LTA4H: variants seen among roughly 807,000 people sequenced by gnomAD.
LTA4H encodes leukotriene A-4 hydrolase.
A neutral mutation model predicts 89.8 loss-of-function variants in LTA4H; 59 were observed. The observed-to-expected ratio is 0.66, with a 90% CI of 0.53 to 0.82. The LOEUF (loss-of-function observed/expected upper bound fraction) is 0.82, where lower values mean the gene tolerates loss of function less well. Ranked by LOEUF, LTA4H falls within the 40% of genes least tolerant of loss-of-function variation. The pLI is 0.00. For missense variants in LTA4H, 617 were observed against 727.0 expected, an observed-to-expected ratio of 0.85 and a Z score of 1.74; for synonymous variants, 227 against 253.1, an observed-to-expected ratio of 0.90 and a Z score of 0.98.
chr12:96,024,154 G>T (rs1250870097), intron 4 of LTA4H, among the ~76,000 whole-genome samples: 1 of 151,958 alleles, frequency 6.6e-6, no homozygotes, highest in Non-Finnish European at 1.5e-5. Flanking sequence ...GGATGGTCTC[G>T]ATCTCCTGAC....
At chr12:96,041,933 G>A (rs146577025) in intron 1 of LTA4H, among the ~76,000 whole-genome samples, 3,889 of 151,248 alleles carry the variant, frequency 0.026, 120 homozygotes, top group South Asian at 0.073. Flanking sequence ...GAGCCACCGC[G>A]CCTGGCCATA....
At chr12:96,021,596 A>C (rs1950453325) in intron 5 of LTA4H, among the ~76,000 whole-genome samples, 1 of 152,014 alleles carries the variant, frequency 6.6e-6, no homozygotes, top group Non-Finnish European at 1.5e-5. Context: ...TAGATGCCAA[A>C]GTTATGGGAG....
At chr12:96,036,461 G>A (rs554452950), upstream of LTA4H, among the ~76,000 whole-genome samples, 1 of 152,298 alleles carries the variant, frequency 6.6e-6, no homozygotes, top group Admixed American at 6.5e-5. Flanking sequence ...ACCCACTGAA[G>A]AGTTTTCAGC....
intron 16 of LTA4H, among the ~76,000 whole-genome samples, chr12:96,005,270 G>A (rs775098029): frequency 3.3e-5 from 5 of 151,942 alleles, no homozygotes; most frequent in African/African-American, 4.8e-5. Flanking sequence ...TCTTTCTCAC[G>A]TCCTGTTCTC....
intron 6 of LTA4H, among the ~76,000 whole-genome samples, chr12:96,019,471 C>T (rs2136896544): frequency 6.6e-6 from 1 of 152,070 alleles, no homozygotes; most frequent in East Asian, 1.9e-4. Context: ...GGAAAAAAAC[C>T]AAGACATAAG....
At chr12:96,017,001 T>C (rs201537065) in intron 10 of LTA4H, 43 bp downstream of exon 10, 15 of 1,351,968 alleles carry the variant, frequency 1.1e-5, no homozygotes, top group Non-Finnish European at 1.4e-5. Flanking sequence ...GAAAAAAAAA[T>C]CAGCAACATG....
In LTA4H at chr12:96,003,888, C is replaced by T. The variant is rs199862341; in HGVS notation, c.1563G>A (p.Met521Ile). Residue 521 changes from methionine (M) to isoleucine (I), a missense_variant, in exon 17 of 19, where the codon ATG (methionine) becomes ATA (isoleucine). Physicochemically the swap from Met to Ile is conservative, Grantham distance 10. Coordinates refer to ENST00000228740, the MANE Select transcript of LTA4H (RefSeq NM_000895.3). ...APLPLGHIKR[M>I]QEVYNFNAIN... ...TGGCATTGAAGTTGTACACCTCTTGCATTCGCTTTATGTGCCCCAATGGAA... is the reference window on the plus strand; with the variant it reads ...TGGCATTGAAGTTGTACACCTCTTGTATTCGCTTTATGTGCCCCAATGGAA... 8.9e-5 allele frequency: 143 copies of T among 1,610,198 alleles called. No homozygotes were observed. Among genetic ancestry groups the T allele is most frequent in the Middle Eastern group, 1.6e-4 (1 of 6,076 alleles).
intron 1 of LTA4H, among the ~76,000 whole-genome samples, chr12:96,042,421 C>T (rs1439009189): frequency 6.6e-6 from 1 of 151,974 alleles, no homozygotes; most frequent in Non-Finnish European, 1.5e-5. Flanking sequence ...CTAGGCCTTT[C>T]CTGAACCTTA....
chr12:96,032,651 T>G (rs1037034464), intron 1 of LTA4H, among the ~76,000 whole-genome samples: 3 of 152,242 alleles, frequency 2.0e-5, no homozygotes, highest in African/African-American at 7.2e-5. Context: ...CAAACAATTA[T>G]AAACATGTTA....
At chr12:96,041,986 CTTTT>C (rs145401712) in intron 1 of LTA4H, among the ~76,000 whole-genome samples, 6 of 110,046 alleles carry the variant, frequency 5.5e-5, no homozygotes, top group Admixed American at 9.4e-5. Flanking sequence ...GTTTTTTTTT[CTTTT>C]TTTTTTTTTT....
At chr12:96,036,995 C>T (rs535584511), upstream of LTA4H, among the ~76,000 whole-genome samples, 14 of 152,330 alleles carry the variant, frequency 9.2e-5, no homozygotes, top group East Asian at 9.6e-4. Context: ...GACACTGTGG[C>T]GAGGACAGCA....
chr12:96,028,123 A>G lies in LTA4H; in HGVS notation c.291-559T>C, dbSNP rs185205609. Among the ~76,000 whole-genome samples, 49 of 152,348 alleles carry G rather than the reference A, an allele frequency of 3.2e-4. 1 individual carries two copies. The East Asian group carries it at 7.5e-3, about 23-fold the overall frequency. On this transcript the variant is annotated intron_variant, in intron 2 of 18. Coordinates refer to ENST00000228740, the MANE Select transcript of LTA4H (RefSeq NM_000895.3). ...TTTCATTTTTATTGCATTGTACAAA[A>G]GTATCAGTCTATGACAGATTGAAGA...
In LTA4H at chr12:96,003,021, G is replaced by A; in HGVS notation, c.1657C>T (p.Pro553Ser). 6.2e-7 allele frequency: 1 copy of A among 1,605,512 alleles called. No individual in the cohort carries two copies. The highest frequency in any genetic ancestry group is 8.5e-7 in the Non-Finnish European group (1 of 1,175,572). The stretch of plus-strand genomic sequence containing the variant: ...TCAGTTGCCATCTTTAGCGCCAAAG[G>A]AATTGCGTCCTCCCACTTGGATTGA... ...CIQSKWEDAI[P>S]LALKMATEQG... is the part of the protein sequence containing the mutation. The change falls in exon 18 of 19, where the codon CCT becomes TCT. Residue 553 changes from proline to serine, a missense_variant. By Grantham distance (74) the Pro-to-Ser change is moderately conservative. Coordinates refer to ENST00000228740, the MANE Select transcript of LTA4H (RefSeq NM_000895.3).
intron 17 of LTA4H, among the ~76,000 whole-genome samples, chr12:96,003,403 A>G (rs1950141219): frequency 6.6e-6 from 1 of 152,254 alleles, no homozygotes; most frequent in South Asian, 2.1e-4. Flanking sequence ...AAGAAAGATC[A>G]GGTAGGTGCT....
rs749121418 is a variant in LTA4H, at chr12:96,013,245, T to C, written c.1322A>G (p.Asn441Ser). 1.2e-6 allele frequency: 2 copies of C among 1,613,184 alleles called. No individual in the cohort carries two copies. The highest frequency in any genetic ancestry group is 8.5e-7 in the Non-Finnish European group (1 of 1,179,214). ...SYFKDKVDVLNQVDWNAWLYS... is the reference protein window; with the variant it reads ...SYFKDKVDVLSQVDWNAWLYS... The stretch of plus-strand genomic sequence containing the variant: ...GAGCCAGGCATTCCAATCAACTTGA[T>C]TGAGAACATCAACCTATGAATAGTA... The change falls in exon 14 of 19, where the codon AAT (asparagine) becomes AGT (serine). Residue 441 changes from asparagine (N) to serine (S), a missense_variant. By Grantham distance (46) the Asn-to-Ser change is conservative. Around this residue, in one of 3 missense-constraint regions of LTA4H, gnomAD observed 290 missense variants for 339.1 expected, o/e 0.86. Transcript: ENST00000228740.
intron 8 of LTA4H, 113 bp from the exon 9 acceptor site, chr12:96,017,693 C>T: frequency 5.9e-6 from 4 of 678,358 alleles, no homozygotes; most frequent in Non-Finnish European, 1.0e-5. Context: ...TGTATTTCTA[C>T]TACAGCACTT....
rs1451615317 is a variant in LTA4H at position 96,000,813 on chromosome 12, C to G, written c.*176G>C. 4 of 458,116 alleles carry G rather than the reference C, an allele frequency of 8.7e-6. No homozygotes were observed. In the East Asian group the frequency reaches 1.3e-4, roughly 15 times the overall value. 28.4% of individuals were successfully genotyped at this position (458,116 alleles called of 1,614,324 possible). A position where few individuals can be genotyped will look rare whatever the true frequency, so the allele number is the denominator to read the frequency against. Reference sequence around the variant, plus strand: ...AAAGATTAAACCTTGTTAAAATTTACAAAGAATATGCCACTATAAGAAGAA... The same window carrying G: ...AAAGATTAAACCTTGTTAAAATTTAGAAAGAATATGCCACTATAAGAAGAA... On this transcript the variant is annotated 3_prime_UTR_variant, in exon 19 of 19. Transcript: ENST00000228740.
At chr12:96,043,338 G>A (rs1009148895) in exon 1 of LTA4H, 31 of 1,535,350 alleles carry the variant, frequency 2.0e-5, no homozygotes, top group Middle Eastern at 3.3e-4. Flanking sequence ...ATGCATGGTC[G>A]GTACTTGTCT....
chr12:96,027,528 G>C lies in LTA4H; in HGVS notation c.327C>G (p.Thr109=), dbSNP rs757233463. Residue 109 remains threonine, a synonymous_variant, in exon 3 of 19, where the codon ACC becomes ACG. Coordinates refer to ENST00000228740, the MANE Select transcript of LTA4H (RefSeq NM_000895.3). ...ACTGGAGAGCAGAAGATTTTGGAGAGGTCTCAAAAGAAATTTCTATAACAA... is the reference window on the plus strand; with the variant it reads ...ACTGGAGAGCAGAAGATTTTGGAGACGTCTCAAAAGAAATTTCTATAACAA... The part of the protein sequence containing the change: ...QEIVIEISFE[T]SPKSSALQWL... 3 of 1,599,666 alleles carry C rather than the reference G, an allele frequency of 1.9e-6. No individual in the cohort carries two copies. The South Asian group carries it at 3.3e-5, about 18-fold the overall frequency.
Sources: gnomAD v4.1 joint callset for allele counts (sites outside exome capture counted in the v4.1 genomes callset) on GRCh38, gnomAD v4.1.1 for gene constraint, gnomAD v4.1.1 regional missense constraint, MANE v1.5 for transcripts, NCBI Gene and HGNC (gene_info 2026-07-23, HGNC 2026-07-21) for gene names.